RASSF2: variants seen among roughly 807,000 people sequenced by gnomAD.
RASSF2 encodes Ras association domain family member 2.
RASSF2 carries 34 observed loss-of-function variants against 46.3 expected under a neutral mutation model. The ratio of observed to expected loss-of-function variants is 0.73; its 90% CI spans 0.56 to 0.98. RASSF2 has a LOEUF of 0.98. RASSF2 is among the 50% of genes least tolerant of loss of function. The pLI is 0.00. For missense variants in RASSF2, 364 were observed against 431.2 expected, an observed-to-expected ratio of 0.84 and a Z score of 1.38; for synonymous variants, 158 against 162.5, an observed-to-expected ratio of 0.97 and a Z score of 0.21.
chr20:4,805,286 G>A (rs1486897204), intron 2 of RASSF2, among the ~76,000 whole-genome samples: 1 of 152,142 alleles, frequency 6.6e-6, no homozygotes, highest in Non-Finnish European at 1.5e-5. Context: ...ATAAGAGGGA[G>A]GCTCTGCCAC....
chr20:4,808,026 C>T (rs959940960), intron 2 of RASSF2, among the ~76,000 whole-genome samples: 2 of 152,236 alleles, frequency 1.3e-5, no homozygotes, highest in Admixed American at 6.5e-5. Flanking sequence ...TCACAGTTAA[C>T]TCTGATATTC....
chr20:4,796,698 A>G (rs1926381867), intron 4 of RASSF2, among the ~76,000 whole-genome samples: 1 of 152,240 alleles, frequency 6.6e-6, no homozygotes, highest in African/African-American at 2.4e-5. Context: ...TATATGTTCT[A>G]TCCCGAAGAA....
chr20:4,791,230 TG>T (rs1925849228), intron 6 of RASSF2, among the ~76,000 whole-genome samples: 1 of 152,110 alleles, frequency 6.6e-6, no homozygotes, highest in South Asian at 2.1e-4. Context: ...GAGAGTAGAA[TG>T]GTGGTTGCCA....
At position 4,795,862 on chromosome 20, in the gene RASSF2, AG is replaced by A; in HGVS notation, c.239del (p.Pro80LeufsTer20). ...CAGAGTGCCAGGAGGAGGAGGATGG[AG>A]GGGGTCGAATGCGTTCGTTGTCATC... ...MQDDNERIRP[P>X]PSSSSWHSGC... is the part of the protein sequence containing the mutation. On this transcript the variant is annotated frameshift_variant, in exon 5 of 12. Transcript: ENST00000379400. LOFTEE classifies it high-confidence loss of function. This position sits in a 1 kb window ranked among gnomAD's most constrained non-coding sequence, Gnocchi z 4.0. The A allele has an allele frequency of 6.2e-7, 1 of 1,610,864 alleles. No individual in the cohort carries two copies. The highest frequency in any genetic ancestry group is 1.3e-5 in the African/African-American group (1 of 74,740).
intron 11 of RASSF2, among the ~76,000 whole-genome samples, chr20:4,785,155 CAAA>C (rs11454727): frequency 1.3e-4 from 12 of 92,542 alleles, no homozygotes; most frequent in Admixed American, 2.4e-4. Context: ...ACTAAAAATA[CAAA>C]AAAAAAAAAA....
chr20:4,816,173 C>T (rs1384063546), intron 2 of RASSF2, among the ~76,000 whole-genome samples: 2 of 151,892 alleles, frequency 1.3e-5, no homozygotes, highest in East Asian at 1.9e-4. Context: ...TGGTGGCGTG[C>T]ACCTGTAGTC....
chr20:4,807,715 T>C (rs950949613), intron 2 of RASSF2, among the ~76,000 whole-genome samples: 1 of 152,262 alleles, frequency 6.6e-6, no homozygotes, highest in African/African-American at 2.4e-5. Context: ...GGGGTCATGT[T>C]GCCCCATCTT....
chr20:4,810,640 A>C (rs1289491673), intron 2 of RASSF2, among the ~76,000 whole-genome samples: 1 of 152,212 alleles, frequency 6.6e-6, no homozygotes, highest in African/African-American at 2.4e-5. Context: ...CCTGGCAGGA[A>C]AGTCCAGGGT....
intron 2 of RASSF2, among the ~76,000 whole-genome samples, chr20:4,810,304 C>T (rs1927677281): frequency 6.6e-6 from 1 of 152,224 alleles, no homozygotes; most frequent in Non-Finnish European, 1.5e-5. Context: ...GGAGGCCTCT[C>T]CAAGAACAAA....
chr20:4,802,914 A>ATTTT (rs60825053), intron 2 of RASSF2, among the ~76,000 whole-genome samples: 3 of 95,576 alleles, frequency 3.1e-5, no homozygotes, highest in East Asian at 2.7e-4. Context: ...ATATATATAT[A>ATTTT]TTTTTTTTTT....
intron 2 of RASSF2, among the ~76,000 whole-genome samples, chr20:4,802,878 G>C (rs941555932): frequency 2.6e-5 from 3 of 115,802 alleles, no homozygotes; most frequent in Non-Finnish European, 5.2e-5. Context: ...GTGTATGTGT[G>C]TGTGTATATA....
Position 4,790,612 on chromosome 20 carries a change from C to T in RASSF2, c.377-1G>A. The T allele has an allele frequency of 6.6e-7, 1 of 1,516,990 alleles. No individual in the cohort carries two copies. The highest frequency in any genetic ancestry group is 2.7e-5 in the East Asian group (1 of 37,352). 94.0% of individuals were successfully genotyped at this position (1,516,990 alleles called of 1,614,324 possible). On this transcript the variant is annotated splice_acceptor_variant, in intron 6 of 11. Transcript: ENST00000379400. LOFTEE classifies it high-confidence loss of function. The surrounding 1 kb of genome is among the most constrained non-coding windows in gnomAD (Gnocchi z 4.3). Reference sequence around the variant, plus strand: ...TGCAGGGGCTTCAGGCCCCTGGAGTCTGAGAGAGGAGAGGGAAATGAACTC... The same window carrying T: ...TGCAGGGGCTTCAGGCCCCTGGAGTTTGAGAGAGGAGAGGGAAATGAACTC...
In RASSF2 at chr20:4,780,110, G is replaced by A. The variant is rs377294747; in HGVS notation, c.*4163C>T. On this transcript the variant is annotated 3_prime_UTR_variant, in exon 12 of 12. Transcript: ENST00000379400. ...TGTTACAAAAATGTATGGCTCCCTT[G>A]CTGAGGCCCTGTCAGATTATGTTAG... is the stretch of plus-strand genomic sequence containing the variant. The A allele has an allele frequency of 2.6e-5, 4 of 152,482 alleles. No individual in the cohort carries two copies. Among genetic ancestry groups the A allele is most frequent in the East Asian group, 1.9e-4 (1 of 5,200 alleles). 9.4% of individuals were successfully genotyped at this position (152,482 alleles called of 1,614,324 possible).
intron 10 of RASSF2, 62 bp from the exon 11 acceptor site, chr20:4,786,390 G>T: frequency 1.5e-6 from 2 of 1,359,372 alleles, no homozygotes; most frequent in Non-Finnish European, 1.1e-6. Context: ...ATTCCTTTCA[G>T]GGTTGTCCTT....
At chr20:4,810,648 G>C (rs927276810) in intron 2 of RASSF2, among the ~76,000 whole-genome samples, 1 of 152,224 alleles carries the variant, frequency 6.6e-6, no homozygotes, top group Non-Finnish European at 1.5e-5. Context: ...GAAAGTCCAG[G>C]GTGAGAGAGG....
At chr20:4,789,841 T>C in intron 7 of RASSF2, 144 bp from the exon 8 acceptor site, 1 of 670,536 alleles carries the variant, frequency 1.5e-6, no homozygotes, top group Non-Finnish European at 2.6e-6. Context: ...CAGCAGGCTT[T>C]GTAGACAAAG....
At position 4,812,017 on chromosome 20, in the gene RASSF2, C is replaced by A. The variant is rs745388465; in HGVS notation, c.-33+10312G>T. Among the ~76,000 whole-genome samples the A allele has an allele frequency of 6.6e-6, 1 of 152,092 alleles. No individual in the cohort carries two copies. The highest frequency in any genetic ancestry group is 1.5e-5 in the Non-Finnish European group (1 of 68,018). ...GATAGTGATCCCTCTGCGCTTCGGA[C>A]CCCTTGTAGTGGGGCAGGAAGCGGT... is the stretch of plus-strand genomic sequence containing the variant. On this transcript the variant is annotated intron_variant, in intron 2 of 11. Coordinates refer to ENST00000379400, the MANE Select transcript of RASSF2 (RefSeq NM_014737.3). The surrounding 1 kb of genome is among the most constrained non-coding windows in gnomAD (Gnocchi z 4.0).
At chr20:4,799,804 A>T (rs2122548005) in intron 3 of RASSF2, among the ~76,000 whole-genome samples, 1 of 152,360 alleles carries the variant, frequency 6.6e-6, no homozygotes, top group East Asian at 1.9e-4. Context: ...GATAAATTAA[A>T]TATTTCGTTA....
At chr20:4,808,634 A>C (rs1012485428) in intron 2 of RASSF2, among the ~76,000 whole-genome samples, 7 of 151,900 alleles carry the variant, frequency 4.6e-5, no homozygotes, top group Admixed American at 3.9e-4. Context: ...CCACAGGTAC[A>C]CGCCACCATA....
Sources: allele counts gnomAD v4.1 joint callset (sites outside exome capture counted in the v4.1 genomes callset), GRCh38; gene constraint gnomAD v4.1.1; non-coding constraint Gnocchi (gnomAD v3.1); transcripts MANE v1.5; gene names NCBI Gene and HGNC (gene_info 2026-07-23, HGNC 2026-07-21).